The following AGBL4 variants were observed in gnomAD, a reference collection of about 807,000 sequenced individuals.
The protein encoded by AGBL4 is cytosolic carboxypeptidase 6.
In AGBL4, 58 loss-of-function variants were observed where a neutral mutation model predicts 66.4. The observed-to-expected ratio is 0.87, with a 90% CI of 0.71 to 1.09. The LOEUF is 1.09. Ranked by LOEUF, AGBL4 falls within the 50% of genes least tolerant of loss-of-function variation. AGBL4 has a pLI of 0.00. For synonymous variants in AGBL4, 234 were observed against 222.9 expected (o/e 1.05, Z -0.44); for missense variants, 579 against 631.0 (o/e 0.92, Z 0.88).
At position 48,621,951 on chromosome 1, in the gene AGBL4, A is replaced by AT. The variant is rs1163505629; in HGVS notation, c.951+12541dup. 1.4e-3 allele frequency among the ~76,000 whole-genome samples: 208 copies of AT among 151,516 alleles called. 4 individuals carry two copies. Among genetic ancestry groups the AT allele is most frequent in the South Asian group, 6.3e-4 (3 of 4,758 alleles). ...TTACAACCCAGAAACTCATAGTAAG[A>AT]TTTTTTTTTCTCTCTCTCTTTTGAA... On this transcript the variant is annotated intron_variant, in intron 9 of 13. Coordinates refer to ENST00000371839, the MANE Select transcript of AGBL4 (RefSeq NM_032785.4).
At chr1:49,098,281 A>G (rs1399065251) in intron 4 of AGBL4, among the ~76,000 whole-genome samples, 1 of 152,226 alleles carries the variant, frequency 6.6e-6, no homozygotes, top group Non-Finnish European at 1.5e-5. Context: ...GTTGTATCTG[A>G]AAAAGGGAGG....
intron 11 of AGBL4, among the ~76,000 whole-genome samples, chr1:48,558,877 C>G (rs933148157): frequency 5.3e-5 from 8 of 152,134 alleles, no homozygotes; most frequent in African/African-American, 1.9e-4. Flanking sequence ...CAAATTTTGG[C>G]TAATACAAGA....
chr1:49,563,758 G>A (rs1384839074), intron 3 of AGBL4, among the ~76,000 whole-genome samples: 1 of 152,106 alleles, frequency 6.6e-6, no homozygotes, highest in Non-Finnish European at 1.5e-5. Flanking sequence ...AAGGATATTG[G>A]TCTAAAATTC....
intron 3 of AGBL4, among the ~76,000 whole-genome samples, chr1:49,279,042 T>C (rs1644225846): frequency 6.6e-6 from 1 of 152,160 alleles, no homozygotes; most frequent in African/African-American, 2.4e-5. Flanking sequence ...AATAGATCAA[T>C]TTTAAATGAA....
chr1:49,018,616 C>T (rs1314994289), intron 5 of AGBL4, among the ~76,000 whole-genome samples: 1 of 152,168 alleles, frequency 6.6e-6, no homozygotes, highest in East Asian at 1.9e-4. Context: ...CCTGAGCATC[C>T]AAGCTGAATT....
rs549276080 is a variant in AGBL4 at position 49,271,043 on chromosome 1, T to C, written c.283-25179A>G. On this transcript the variant is annotated intron_variant, in intron 3 of 13. Transcript: ENST00000371839. Reference sequence around the variant, plus strand: ...ATGAAGGCTACTCCACCTTGTAGTCTAGTAGTTAAAATTCCACACTTTCAC... The same window carrying C: ...ATGAAGGCTACTCCACCTTGTAGTCCAGTAGTTAAAATTCCACACTTTCAC... Among the ~76,000 whole-genome samples the C allele has an allele frequency of 5.9e-5, 9 of 152,318 alleles. No homozygotes were observed. The South Asian group carries it at 1.7e-3, about 28-fold the overall frequency.
chr1:49,895,342 T>C lies in AGBL4; in HGVS notation c.35-43824A>G, dbSNP rs538727958. Reference sequence around the variant, plus strand: ...CACAAAAATCACAGGTAACCGTAAGTATACAGGAAACCACAGAATATTATA... The same window carrying C: ...CACAAAAATCACAGGTAACCGTAAGCATACAGGAAACCACAGAATATTATA... On this transcript the variant is annotated intron_variant, in intron 1 of 13. Transcript: ENST00000371839. Among the ~76,000 whole-genome samples, 301 of 152,078 alleles carry C rather than the reference T, an allele frequency of 2.0e-3. 10 individuals carry two copies. The South Asian group carries it at 0.061, about 31-fold the overall frequency.
At chr1:48,597,047 A>G (rs1003345106) in intron 9 of AGBL4, among the ~76,000 whole-genome samples, 3 of 152,082 alleles carry the variant, frequency 2.0e-5, no homozygotes, top group African/African-American at 7.2e-5. Context: ...CTATTCCTCC[A>G]GGTGAGAATG....
intron 6 of AGBL4, among the ~76,000 whole-genome samples, chr1:48,773,539 G>C (rs1274907662): frequency 1.3e-5 from 2 of 152,154 alleles, no homozygotes; most frequent in Admixed American, 1.3e-4. Context: ...TGGAGAAAGA[G>C]CAGAATGGGC....
intron 1 of AGBL4, among the ~76,000 whole-genome samples, chr1:49,955,476 G>T (rs1216641049): frequency 6.6e-6 from 1 of 151,846 alleles, no homozygotes; most frequent in East Asian, 1.9e-4. Context: ...CTAGATAATT[G>T]AGTGATGCAG....
In AGBL4 at chr1:48,871,381, GTGTGTT is replaced by G. The variant is rs1260687691; in HGVS notation, c.595-4157_595-4152del. Among the ~76,000 whole-genome samples the G allele has an allele frequency of 4.4e-3, 671 of 151,144 alleles. 6 individuals carry two copies. The highest frequency in any genetic ancestry group is 0.016 in the African/African-American group (636 of 40,772). ...TGTGTGTGTGTGTGTGTGTGTGTGTGTGTGTTTGTGTGTGTATGTGCGTTTGGGGTC... is the reference window on the plus strand; with the variant it reads ...TGTGTGTGTGTGTGTGTGTGTGTGTGTGTGTGTGTATGTGCGTTTGGGGTC... On this transcript the variant is annotated intron_variant, in intron 5 of 13. Coordinates refer to ENST00000371839, the MANE Select transcript of AGBL4 (RefSeq NM_032785.4).
intron 5 of AGBL4, among the ~76,000 whole-genome samples, chr1:48,969,346 A>G (rs1251152334): frequency 6.6e-6 from 1 of 151,942 alleles, no homozygotes; most frequent in Non-Finnish European, 1.5e-5. Flanking sequence ...TCGGAAATGC[A>G]CTCTTTGCAG....
At chr1:48,582,873 C>G (rs548336675) in intron 11 of AGBL4, among the ~76,000 whole-genome samples, 14 of 152,240 alleles carry the variant, frequency 9.2e-5, no homozygotes, top group African/African-American at 3.4e-4. Context: ...TCATGTTTGG[C>G]TGGTGCTTTT....
chr1:49,564,254 C>A (rs1042660224), intron 3 of AGBL4, among the ~76,000 whole-genome samples: 2 of 152,104 alleles, frequency 1.3e-5, no homozygotes, highest in East Asian at 1.9e-4. Context: ...TTTCAAAAAA[C>A]CAGCTGCTGG....
rs1021705303 is a variant in AGBL4, at chr1:49,632,270, G to C, written c.282+65043C>G. On this transcript the variant is annotated intron_variant, in intron 3 of 13. Coordinates refer to ENST00000371839, the MANE Select transcript of AGBL4 (RefSeq NM_032785.4). ...GAAACCCTTTTATTCTAATTTCCTTGCTATGTTAACCCAATTATTATGGGA... is the reference window on the plus strand; with the variant it reads ...GAAACCCTTTTATTCTAATTTCCTTCCTATGTTAACCCAATTATTATGGGA... Among the ~76,000 whole-genome samples, 10 of 152,252 alleles carry C rather than the reference G, an allele frequency of 6.6e-5. No individual in the cohort carries two copies. The South Asian group carries it at 2.1e-3, about 32-fold the overall frequency.
At chr1:48,752,044 G>A (rs1321522800) in intron 6 of AGBL4, among the ~76,000 whole-genome samples, 1 of 152,146 alleles carries the variant, frequency 6.6e-6, no homozygotes, top group Admixed American at 6.5e-5. Context: ...CCTGCCATCT[G>A]AATTAAGCAG....
Position 49,766,058 on chromosome 1 carries a change from G to T in AGBL4, c.158-68621C>A, listed in dbSNP as rs147851722. Among the ~76,000 whole-genome samples the T allele has an allele frequency of 3.6e-4, 55 of 152,244 alleles. 2 individuals are homozygous for T. In the East Asian group the frequency reaches 9.7e-3, roughly 27 times the overall value. ...AAATGTCCCTAATCTTGCTACAGAG[G>T]TAGCCGGATAAAAACTAATCCAGAG... On this transcript the variant is annotated intron_variant, in intron 2 of 13. Coordinates refer to ENST00000371839, the MANE Select transcript of AGBL4 (RefSeq NM_032785.4).
chr1:49,163,642 G>A lies in AGBL4; in HGVS notation c.377+82128C>T, dbSNP rs576982698. Among the ~76,000 whole-genome samples the A allele has an allele frequency of 2.2e-4, 34 of 152,266 alleles. No homozygotes were observed. The South Asian group carries it at 6.0e-3, about 27-fold the overall frequency. ...TTATTCTCAATAAACGTCTGTTGAT[G>A]TATGAACGAATTAATAAACAAATGA... On this transcript the variant is annotated intron_variant, in intron 4 of 13. Coordinates refer to ENST00000371839, the MANE Select transcript of AGBL4 (RefSeq NM_032785.4).
At chr1:49,376,816 C>T (rs1345192283) in intron 3 of AGBL4, among the ~76,000 whole-genome samples, 4 of 151,940 alleles carry the variant, frequency 2.6e-5, no homozygotes. Flanking sequence ...ACATACTTAC[C>T]ACATTGGATT....
Sources: gnomAD v4.1 joint callset for allele counts (sites outside exome capture counted in the v4.1 genomes callset) on GRCh38, gnomAD v4.1.1 for gene constraint, MANE v1.5 for transcripts, NCBI Gene and HGNC (gene_info 2026-07-23, HGNC 2026-07-21) for gene names.